CEP164: variants seen among roughly 807,000 people sequenced by gnomAD.
CEP164 encodes centrosomal protein 164.
CEP164 carries 162 observed loss-of-function variants against 182.7 expected under a neutral mutation model. The ratio of observed to expected loss-of-function variants is 0.89; its 90% CI spans 0.78 to 1.01. CEP164 has a LOEUF of 1.01. Among genes scored for constraint, CEP164 ranks in the 50% least tolerant of loss-of-function variants. The pLI is 0.00. For missense variants in CEP164, 1,735 were observed against 1,790.4 expected (o/e 0.97, Z 0.56); for synonymous variants, 661 against 690.0 (o/e 0.96, Z 0.66).
At chr11:117,333,270 C>A (rs968736272) in intron 1 of CEP164, among the ~76,000 whole-genome samples, 1 of 152,044 alleles carries the variant, frequency 6.6e-6, no homozygotes, top group East Asian at 1.9e-4. Context: ...CTTTAGCCTC[C>A]CAAAGCCCTG....
intron 1 of CEP164, among the ~76,000 whole-genome samples, chr11:117,322,733 A>T (rs975195425): frequency 1.4e-4 from 15 of 107,912 alleles, no homozygotes; most frequent in Non-Finnish European, 2.9e-4. Flanking sequence ...TTTTGTGTTT[A>T]TATATATATA....
chr11:117,357,551 A>G (rs1360939088), intron 5 of CEP164, among the ~76,000 whole-genome samples: 1 of 149,998 alleles, frequency 6.7e-6, no homozygotes, highest in Non-Finnish European at 1.5e-5. Flanking sequence ...CCTCCTGAGT[A>G]GCTGGGACTA....
At chr11:117,369,991 G>A (rs1487829075) in intron 8 of CEP164, among the ~76,000 whole-genome samples, 1 of 152,200 alleles carries the variant, frequency 6.6e-6, no homozygotes, top group East Asian at 1.9e-4. Flanking sequence ...GTTTCCTACT[G>A]GTGATGGGCA....
Position 117,387,409 on chromosome 11 carries a change from T to A in CEP164, c.1931T>A (p.Leu644His). 1 of 1,614,010 alleles carries A rather than the reference T, an allele frequency of 6.2e-7. No individual in the cohort carries two copies. The highest frequency in any genetic ancestry group is 2.2e-5 in the East Asian group (1 of 44,888). The change falls in exon 15 of 33, where the codon CTC becomes CAC. Residue 644 changes from leucine (L) to histidine (H), a missense_variant. Leu to His is a moderately conservative substitution (Grantham distance 99). Coordinates refer to ENST00000278935, the MANE Select transcript of CEP164 (RefSeq NM_014956.5). ...LRLHQQKEQS[L>H]SSLRERLQKA... ...CTTCACCAGCAGAAAGAGCAATCTC[T>A]CAGGTCCTGCCCTTCCCCTTAGGCA...
intron 30 of CEP164, chr11:117,410,567 G>A: frequency 2.7e-6 from 1 of 367,472 alleles, no homozygotes; most frequent in Non-Finnish European, 5.1e-6. Flanking sequence ...CCAGGTCTCA[G>A]CCCTGCTGAG....
chr11:117,412,081 C>G lies in CEP164; in HGVS notation c.4296C>G (p.Phe1432Leu). The change falls in exon 33 of 33, where the codon TTC becomes TTG. Residue 1432 changes from phenylalanine to leucine, a missense_variant. Phe to Leu is a conservative substitution (Grantham distance 22). Transcript: ENST00000278935. ...RVKNDPRLPLFSSTPKPKATL... is the reference protein window; with the variant it reads ...RVKNDPRLPLLSSTPKPKATL... ...TTCACCTTGTGGCCAGACCTCTCTT[C>G]TCGTCAACACCCAAGCCAAAAGCTA... is the stretch of plus-strand genomic sequence containing the variant. The G allele has an allele frequency of 9.3e-6, 15 of 1,614,140 alleles. No individual in the cohort carries two copies. The highest frequency in any genetic ancestry group is 1.3e-5 in the Non-Finnish European group (15 of 1,179,998).
intron 3 of CEP164, among the ~76,000 whole-genome samples, chr11:117,339,289 T>C (rs1474384309): frequency 6.6e-6 from 1 of 152,180 alleles, no homozygotes; most frequent in Non-Finnish European, 1.5e-5. Flanking sequence ...AAAAGTTTGC[T>C]GTCTTTGGGT....
intron 15 of CEP164, 105 bp downstream of exon 15, chr11:117,387,517 T>C (rs2136249871): frequency 9.3e-7 from 1 of 1,075,854 alleles, no homozygotes; most frequent in Non-Finnish European, 1.3e-6. Context: ...ATGGTTCTAC[T>C]AAGACCAACT....
intron 26 of CEP164, 149 bp downstream of exon 26, chr11:117,396,760 G>C: frequency 1.4e-6 from 1 of 716,814 alleles, no homozygotes; most frequent in Non-Finnish European, 2.4e-6. Context: ...GAGGATTAAG[G>C]AATCTTCTCT....
chr11:117,338,702 G>T, intron 3 of CEP164, 34 bp downstream of exon 3: 1 of 1,528,810 alleles, frequency 6.5e-7, no homozygotes, highest in East Asian at 2.2e-5. Context: ...GTGGTGTATT[G>T]TGTTTGTTTT....
intron 4 of CEP164, among the ~76,000 whole-genome samples, chr11:117,346,882 A>G (rs2038974569): frequency 6.6e-6 from 1 of 152,240 alleles, no homozygotes; most frequent in Admixed American, 6.5e-5. Context: ...AAAATGAGTC[A>G]TTAAAATGTA....
In CEP164 at chr11:117,391,140, G is replaced by A. The variant is rs762963600; in HGVS notation, c.2208G>A (p.Glu736=). 3.1e-6 allele frequency: 5 copies of A among 1,613,762 alleles called. No homozygotes were observed. The African/African-American group carries it at 6.7e-5, about 22-fold the overall frequency. ...KEEIEASEKS[E]QAALNAAKEK... Reference sequence around the variant, plus strand: ...AGATAGAGGCTTCGGAGAAGAGCGAGCAGGCTGCCCTGAATGCTGCAAAGG... The same window carrying A: ...AGATAGAGGCTTCGGAGAAGAGCGAACAGGCTGCCCTGAATGCTGCAAAGG... Residue 736 remains glutamate (E), a synonymous_variant, in exon 17 of 33, where the codon GAG becomes GAA. Coordinates refer to ENST00000278935, the MANE Select transcript of CEP164 (RefSeq NM_014956.5).
intron 9 of CEP164, 59 bp from the exon 10 acceptor site, chr11:117,373,692 G>A: frequency 6.8e-7 from 1 of 1,463,322 alleles, no homozygotes; most frequent in African/African-American, 1.4e-5. Context: ...TCCCTGGGTA[G>A]GGACCATGAC....
rs1464983081 is a variant in CEP164 at position 117,396,624 on chromosome 11, A to G, written c.3278+13A>G. ...TATACTTGGACAGGTGAGTTCCCAT[A>G]GCCTGTCTTATTTGAGGTTAGGGTA... On this transcript the variant is annotated intron_variant, in intron 26 of 32. Transcript: ENST00000278935. 1 of 1,602,336 alleles carries G rather than the reference A, an allele frequency of 6.2e-7. No individual in the cohort carries two copies. Among genetic ancestry groups the G allele is most frequent in the African/African-American group, 1.3e-5 (1 of 74,696 alleles).
intron 4 of CEP164, among the ~76,000 whole-genome samples, chr11:117,348,046 G>A (rs568787): frequency 0.046 from 6,923 of 151,784 alleles, 296 homozygotes; most frequent in East Asian, 0.16. Flanking sequence ...CATGACTCAC[G>A]GCACCCTCTA....
chr11:117,381,035 T>C lies in CEP164; in HGVS notation c.1409+330T>C, dbSNP rs112345226. 9.2e-4 allele frequency among the ~76,000 whole-genome samples: 140 copies of C among 152,252 alleles called. 2 individuals are homozygous for C. The highest frequency in any genetic ancestry group is 3.2e-3 in the African/African-American group (132 of 41,552). ...GCCAGGGCTGATGAAGCTGTGTGTG[T>C]GCCTGGTTATGGGCCAGGGCTGAAG... On this transcript the variant is annotated intron_variant, in intron 12 of 32. Coordinates refer to ENST00000278935, the MANE Select transcript of CEP164 (RefSeq NM_014956.5).
At position 117,392,634 on chromosome 11, in the gene CEP164, G is replaced by A; in HGVS notation, c.2493+7G>A. On this transcript the variant is annotated splice_region_variant and intron_variant, in intron 19 of 32. Coordinates refer to ENST00000278935, the MANE Select transcript of CEP164 (RefSeq NM_014956.5). ...GGCTGGGTATGAGCACGAGGTGAGT[G>A]CTGCTCTGTCTTCCACAGTCGTGTG... 6.2e-7 allele frequency: 1 copy of A among 1,613,384 alleles called. No homozygotes were observed. The highest frequency in any genetic ancestry group is 8.5e-7 in the Non-Finnish European group (1 of 1,179,656).
rs930119373 is a variant in CEP164 at position 117,413,250 on chromosome 11, TG to T, written c.*1083del. 4.0e-5 allele frequency: 6 copies of T among 151,454 alleles called. No individual in the cohort carries two copies. Among genetic ancestry groups the T allele is most frequent in the Non-Finnish European group, 7.4e-5 (5 of 67,852 alleles). 9.4% of individuals were successfully genotyped at this position (151,454 alleles called of 1,614,324 possible). On this transcript the variant is annotated 3_prime_UTR_variant, in exon 33 of 33. Transcript: ENST00000278935. ...TGTTTAAATAAAATGCACTTATTTT[TG>T]TTTTTTTTTTTGCAAGCTGTGGGGT...
chr11:117,379,333 G>A (rs1379053868), intron 11 of CEP164, among the ~76,000 whole-genome samples: 1 of 152,200 alleles, frequency 6.6e-6, no homozygotes, highest in African/African-American at 2.4e-5. Context: ...CTGGGGCTTA[G>A]GCTGCCAGTG....
Sources: gnomAD v4.1 joint callset for allele counts (sites outside exome capture counted in the v4.1 genomes callset) on GRCh38, gnomAD v4.1.1 for gene constraint, MANE v1.5 for transcripts, NCBI Gene and HGNC (gene_info 2026-07-23, HGNC 2026-07-21) for gene names.